The following STK24 variants were observed in gnomAD, a reference collection of about 807,000 sequenced individuals.
STK24 encodes serine/threonine kinase 24.
In STK24, 21 loss-of-function variants were observed where a neutral mutation model predicts 55.6. That is an observed-to-expected ratio of 0.38 (90% CI 0.27 to 0.54). The LOEUF (loss-of-function observed/expected upper bound fraction) is 0.54, where lower values mean the gene tolerates loss of function less well. Ranked by LOEUF, STK24 falls within the 20% of genes least tolerant of loss-of-function variation. The probability of loss-of-function intolerance (pLI) is 0.79; values close to 1 mark genes in which losing one functional copy is unlikely to be tolerated. For synonymous variants in STK24, 200 were observed against 215.2 expected (o/e 0.93, Z 0.62); for missense variants, 383 against 538.4 (o/e 0.71, Z 2.86).
chr13:98,569,427 CA>C (rs200044138), intron 1 of STK24, among the ~76,000 whole-genome samples: 1 of 131,722 alleles, frequency 7.6e-6, no homozygotes, highest in East Asian at 2.2e-4. Flanking sequence ...AAAAAAAAAA[CA>C]AAAAAAAACA....
chr13:98,557,357 A>C (rs1897309379), intron 1 of STK24, among the ~76,000 whole-genome samples: 1 of 152,174 alleles, frequency 6.6e-6, no homozygotes, highest in African/African-American at 2.4e-5. Context: ...TCTACATAGG[A>C]TCTTCATCTT....
chr13:98,515,229 G>A (rs2139373566), intron 2 of STK24, among the ~76,000 whole-genome samples: 1 of 152,018 alleles, frequency 6.6e-6, no homozygotes, highest in Non-Finnish European at 1.5e-5. Context: ...TGTCTTCACT[G>A]CCTAATTAAA....
chr13:98,500,008 G>A (rs929493249), intron 2 of STK24, among the ~76,000 whole-genome samples: 1 of 152,198 alleles, frequency 6.6e-6, no homozygotes, highest in Admixed American at 6.5e-5. Context: ...CTCCTGTGAT[G>A]TGCGTGCTAG....
chr13:98,474,416 A>C (rs952724012), intron 5 of STK24, among the ~76,000 whole-genome samples: 5 of 152,048 alleles, frequency 3.3e-5, no homozygotes, highest in African/African-American at 1.2e-4. Flanking sequence ...AGGCCCCTTC[A>C]AGGTTGCCGA....
At chr13:98,489,491 G>C (rs1330807341) in intron 2 of STK24, among the ~76,000 whole-genome samples, 5 of 152,202 alleles carry the variant, frequency 3.3e-5, no homozygotes, top group African/African-American at 4.8e-5. Context: ...GTGGCTGAGG[G>C]GGAACGCAGA....
intron 1 of STK24, among the ~76,000 whole-genome samples, chr13:98,528,846 AC>A (rs2139398910): frequency 6.6e-6 from 1 of 152,168 alleles, no homozygotes; most frequent in South Asian, 2.1e-4. Context: ...GTGCTCTAAT[AC>A]CCGGTACTTC....
At chr13:98,525,979 G>A (rs1445624969) in intron 1 of STK24, among the ~76,000 whole-genome samples, 6 of 152,210 alleles carry the variant, frequency 3.9e-5, no homozygotes, top group Non-Finnish European at 5.9e-5. Flanking sequence ...TCGGGGTTAA[G>A]AGCCACCACG....
At chr13:98,486,305 C>T (rs1053051786) in intron 2 of STK24, among the ~76,000 whole-genome samples, 2 of 152,124 alleles carry the variant, frequency 1.3e-5, no homozygotes, top group African/African-American at 4.8e-5. Flanking sequence ...ACCCCTGCAG[C>T]ACTGCACTGG....
intron 2 of STK24, among the ~76,000 whole-genome samples, chr13:98,486,712 G>A (rs913307260): frequency 2.0e-5 from 3 of 152,146 alleles, no homozygotes; most frequent in Admixed American, 1.3e-4. Flanking sequence ...ACAGAGAACC[G>A]CTGAACTACA....
At chr13:98,512,588 T>A (rs928625073) in intron 2 of STK24, among the ~76,000 whole-genome samples, 11 of 138,760 alleles carry the variant, frequency 7.9e-5, no homozygotes, top group Non-Finnish European at 1.1e-4. Flanking sequence ...TTTTTTTTTT[T>A]TAAAAAGGGA....
chr13:98,468,562 CTT>C (rs966791186), intron 5 of STK24, among the ~76,000 whole-genome samples: 24 of 152,150 alleles, frequency 1.6e-4, no homozygotes, highest in African/African-American at 5.8e-4. Context: ...AATTGTGACT[CTT>C]GTGTGGCAGC....
intron 1 of STK24, among the ~76,000 whole-genome samples, chr13:98,529,547 T>A (rs1896524927): frequency 6.6e-6 from 1 of 152,228 alleles, no homozygotes; most frequent in Non-Finnish European, 1.5e-5. Context: ...TACCCTCTTG[T>A]CATCCAACTT....
At chr13:98,473,777 AG>A (rs1894257744) in intron 5 of STK24, among the ~76,000 whole-genome samples, 1 of 152,216 alleles carries the variant, frequency 6.6e-6, no homozygotes. Context: ...ACTCCTCCCA[AG>A]GTGGAACCAG....
chr13:98,535,371 ATATAT>A lies in STK24; in HGVS notation c.43-15903_43-15899del, dbSNP rs1261649937. Among the ~76,000 whole-genome samples, 86 of 37,440 alleles carry A rather than the reference ATATAT, an allele frequency of 2.3e-3. 2 individuals are homozygous for A. The highest frequency in any genetic ancestry group is 4.9e-3 in the South Asian group (5 of 1,030). The allele number at this position is 37,440 out of a possible 152,430, so 24.6% of individuals were successfully genotyped here. A position where few individuals can be genotyped will look rare whatever the true frequency, so the allele number is the denominator to read the frequency against. On this transcript the variant is annotated intron_variant, in intron 1 of 10. Coordinates refer to ENST00000539966, the MANE Select transcript of STK24 (RefSeq NM_001032296.4). ...AAACAAACAAACAAACAAAAAAAAA[ATATAT>A]ATATATATATATATGTGTGTATACA...
intron 2 of STK24, among the ~76,000 whole-genome samples, chr13:98,491,845 A>G (rs1895049034): frequency 6.6e-6 from 1 of 152,218 alleles, no homozygotes; most frequent in Non-Finnish European, 1.5e-5. Context: ...TACTATAACC[A>G]AGGAAAAAAT....
intron 2 of STK24, among the ~76,000 whole-genome samples, chr13:98,491,732 TAAG>T (rs1033607923): frequency 1.1e-4 from 17 of 147,964 alleles, no homozygotes; most frequent in African/African-American, 3.7e-4. Context: ...TCCAAAAGTC[TAAG>T]AAGGAAAGCA....
Position 98,446,338 on chromosome 13 carries a change from G to T in STK24, c.*6835C>A, listed in dbSNP as rs1055473601. On this transcript the variant is annotated 3_prime_UTR_variant, in exon 11 of 11. Transcript: ENST00000539966. ...TCACGGGGATGACAGGGATGCTGGC[G>T]GGGGGCCCTGTCCACCCGAGGCCCT... The T allele has an allele frequency of 1.6e-6, 1 of 637,658 alleles. No individual in the cohort carries two copies. The highest frequency in any genetic ancestry group is 2.8e-6 in the Non-Finnish European group (1 of 360,108). The allele number at this position is 637,658 out of a possible 1,614,324, so 39.5% of individuals were successfully genotyped here.
At chr13:98,493,346 G>C (rs1389226307) in intron 2 of STK24, among the ~76,000 whole-genome samples, 4 of 152,206 alleles carry the variant, frequency 2.6e-5, no homozygotes, top group African/African-American at 9.7e-5. Flanking sequence ...CAGATACTAA[G>C]AGGAATAAAA....
chr13:98,489,157 T>C (rs1439229566), intron 2 of STK24, among the ~76,000 whole-genome samples: 2 of 152,198 alleles, frequency 1.3e-5, no homozygotes, highest in Admixed American at 6.5e-5. Context: ...CCACTTCCCA[T>C]TGCCCCCGGG....
Sources: gnomAD v4.1 joint callset for allele counts (sites outside exome capture counted in the v4.1 genomes callset) on GRCh38, gnomAD v4.1.1 for gene constraint, MANE v1.5 for transcripts, NCBI Gene and HGNC (gene_info 2026-07-23, HGNC 2026-07-21) for gene names.